MMP26: variants seen among roughly 807,000 people sequenced by gnomAD.
MMP26 encodes the protein matrix metallopeptidase 26, also known as matrix metalloproteinase-26.
Under a neutral mutation model 31.0 loss-of-function variants are expected in MMP26, and 33 were observed. That is an observed-to-expected ratio of 1.06 (90% CI 0.81 to 1.42). MMP26 has a LOEUF of 1.42. Among genes scored for constraint, MMP26 ranks in the 40% most tolerant of loss-of-function variants. MMP26 has a pLI of 0.00. For synonymous variants in MMP26, 122 were observed against 114.9 expected, an observed-to-expected ratio of 1.06 and a Z score of -0.40; for missense variants, 347 against 316.1, an observed-to-expected ratio of 1.10 and a Z score of -0.74.
chr11:4,856,767 A>G (rs1210146953), intron 2 of MMP26, among the ~76,000 whole-genome samples: 2 of 152,182 alleles, frequency 1.3e-5, no homozygotes, highest in Non-Finnish European at 2.9e-5. Context: ...AACAGAATAC[A>G]CATTCTTCTC....
At chr11:4,828,771 C>T (rs982169234) in intron 2 of MMP26, among the ~76,000 whole-genome samples, 3 of 152,060 alleles carry the variant, frequency 2.0e-5, no homozygotes, top group African/African-American at 7.2e-5. Context: ...TGCAATTTGC[C>T]AGAGCAATAA....
At chr11:4,915,345 A>C in intron 2 of MMP26, 1 of 1,614,032 alleles carries the variant, frequency 6.2e-7, no homozygotes, top group South Asian at 1.1e-5. Flanking sequence ...TGAATGAAAA[A>C]GAGCTGAGCA....
intron 2 of MMP26, among the ~76,000 whole-genome samples, chr11:4,845,016 A>C (rs921957454): frequency 2.6e-4 from 40 of 152,184 alleles, no homozygotes; most frequent in African/African-American, 9.4e-4. Flanking sequence ...GACTTTACCA[A>C]AACAATTATT....
intron 2 of MMP26, chr11:4,946,029 A>G: frequency 4.8e-6 from 4 of 829,332 alleles, no homozygotes; most frequent in Non-Finnish European, 7.6e-6. Flanking sequence ...CAGTATCCAG[A>G]GTGAATAAAA....
intron 1 of MMP26, among the ~76,000 whole-genome samples, chr11:4,765,683 G>A (rs1848619854): frequency 6.6e-6 from 1 of 152,172 alleles, no homozygotes; most frequent in Non-Finnish European, 1.5e-5. Context: ...GCTGACTGCA[G>A]CTACTGCTGG....
At chr11:4,776,937 T>A (rs889149835) in intron 2 of MMP26, among the ~76,000 whole-genome samples, 4 of 152,130 alleles carry the variant, frequency 2.6e-5, no homozygotes, top group Admixed American at 6.5e-5. Flanking sequence ...CAATTAGTGA[T>A]GTTGAGGAGT....
intron 2 of MMP26, among the ~76,000 whole-genome samples, chr11:4,969,579 CATTTTTGTTT>C (rs1468931607): frequency 3.3e-5 from 5 of 151,908 alleles, no homozygotes; most frequent in Non-Finnish European, 7.4e-5. Context: ...AAGTTAGATA[CATTTTTGTTT>C]ATTTTTGTTT....
intron 2 of MMP26, among the ~76,000 whole-genome samples, chr11:4,845,818 A>T (rs1456631143): frequency 2.6e-5 from 4 of 152,204 alleles, no homozygotes; most frequent in Non-Finnish European, 5.9e-5. Flanking sequence ...GAAGAAAAAC[A>T]ATGACAAACA....
chr11:4,803,522 G>C (rs61742567), intron 2 of MMP26: 2 of 1,613,964 alleles, frequency 1.2e-6, no homozygotes, highest in Non-Finnish European at 1.7e-6. Flanking sequence ...AGCATGGGAG[G>C]TATCAGTAGA....
At chr11:4,770,802 C>T (rs1375131266) in intron 2 of MMP26, among the ~76,000 whole-genome samples, 1 of 151,898 alleles carries the variant, frequency 6.6e-6, no homozygotes, top group Non-Finnish European at 1.5e-5. Context: ...AAGATTGCAC[C>T]ACCGCACTCC....
At chr11:4,795,840 GAGGGAGA>G (rs1849099996) in intron 2 of MMP26, among the ~76,000 whole-genome samples, 2 of 139,674 alleles carry the variant, frequency 1.4e-5, no homozygotes, top group Non-Finnish European at 3.2e-5. Flanking sequence ...AAGAGAGAGA[GAGGGAGA>G]GAGAGAGAGA....
chr11:4,830,491 T>G (rs1849631706), intron 2 of MMP26, among the ~76,000 whole-genome samples: 2 of 152,184 alleles, frequency 1.3e-5, no homozygotes, highest in African/African-American at 4.8e-5. Context: ...ACAACAATGT[T>G]GCCAATAGTA....
intron 2 of MMP26, among the ~76,000 whole-genome samples, chr11:4,927,673 C>A (rs1851291327): frequency 6.6e-6 from 1 of 152,208 alleles, no homozygotes. Flanking sequence ...GGAGGACATA[C>A]TTCCATCCAG....
At chr11:4,806,517 C>G (rs549178246) in intron 2 of MMP26, among the ~76,000 whole-genome samples, 21 of 152,198 alleles carry the variant, frequency 1.4e-4, no homozygotes, top group African/African-American at 4.3e-4. Context: ...GGTTTAAAGT[C>G]TGTTTTATCA....
Position 4,828,133 on chromosome 11 carries a change from A to C in MMP26, c.-145+60792A>C, listed in dbSNP as rs148216610. ...ATATACATTTTTCTGAATGTGAAAA[A>C]TCAAATTGAATTATGTCTCCTATCT... is the stretch of plus-strand genomic sequence containing the variant. On this transcript the variant is annotated intron_variant, in intron 2 of 7. Coordinates refer to ENST00000380390, the MANE Select transcript of MMP26 (RefSeq NM_021801.5). Among the ~76,000 whole-genome samples the C allele has an allele frequency of 7.8e-3, 1,192 of 152,262 alleles. 10 individuals carry two copies. Among genetic ancestry groups the C allele is most frequent in the Non-Finnish European group, 0.012 (824 of 68,014 alleles).
In MMP26 at chr11:4,743,807, G is replaced by C. The variant is rs1049828365; in HGVS notation, c.-216-23463G>C. ...GTCAAATTCAATTTTTGGACTACTC[G>C]GGTTTGTTTGTTTTTTGAAACAGGG... is the stretch of plus-strand genomic sequence containing the variant. On this transcript the variant is annotated intron_variant, in intron 1 of 7. Coordinates refer to ENST00000380390, the MANE Select transcript of MMP26 (RefSeq NM_021801.5). Among the ~76,000 whole-genome samples, 5 of 151,928 alleles carry C rather than the reference G, an allele frequency of 3.3e-5. No individual in the cohort carries two copies. The East Asian group carries it at 7.7e-4, about 23-fold the overall frequency.
intron 1 of MMP26, chr11:4,719,247 T>C (rs1053159476): frequency 1.3e-5 from 2 of 154,326 alleles, no homozygotes; most frequent in African/African-American, 4.8e-5. Context: ...CTGGGGCAGA[T>C]TCTGTCTTTA....
intron 1 of MMP26, among the ~76,000 whole-genome samples, chr11:4,717,130 G>A (rs570673774): frequency 4.9e-4 from 74 of 152,242 alleles, no homozygotes; most frequent in African/African-American, 1.5e-3. Context: ...CAGAGAAGCC[G>A]TTTGACTCCA....
At chr11:4,947,801 A>G (rs1181782381) in intron 2 of MMP26, among the ~76,000 whole-genome samples, 3 of 125,526 alleles carry the variant, frequency 2.4e-5, no homozygotes, top group African/African-American at 8.1e-5. Flanking sequence ...TACCAAGGAA[A>G]CAAACATCTA....
Sources: gnomAD v4.1 joint callset for allele counts (sites outside exome capture counted in the v4.1 genomes callset) on GRCh38, gnomAD v4.1.1 for gene constraint, MANE v1.5 for transcripts, NCBI Gene and HGNC (gene_info 2026-07-23, HGNC 2026-07-21) for gene names.